Variants in SKAP1 observed in about 807,000 individuals in gnomAD.
SKAP1 encodes the protein src kinase-associated phosphoprotein 1.
SKAP1 carries 44 observed loss-of-function variants against 58.5 expected under a neutral mutation model. That is an observed-to-expected ratio of 0.75 (90% CI 0.59 to 0.97). SKAP1 has a LOEUF of 0.97. Ranked by LOEUF, SKAP1 falls within the 50% of genes least tolerant of loss-of-function variation. The pLI is 0.00. For synonymous variants in SKAP1, 127 were observed against 149.7 expected (o/e 0.85, Z 1.11); for missense variants, 390 against 435.2 (o/e 0.90, Z 0.92).
chr17:48,216,655 C>G (rs550618748), intron 4 of SKAP1, among the ~76,000 whole-genome samples: 1 of 152,130 alleles, frequency 6.6e-6, no homozygotes, highest in African/African-American at 2.4e-5. Context: ...TCATGCCAGG[C>G]TAATTTTTGT....
chr17:48,286,659 A>C (rs2065833165), intron 4 of SKAP1, among the ~76,000 whole-genome samples: 1 of 152,232 alleles, frequency 6.6e-6, no homozygotes, highest in Non-Finnish European at 1.5e-5. Flanking sequence ...TTCAACAGGC[A>C]AATTAACATC....
At chr17:48,358,221 A>C (rs2066900208) in intron 3 of SKAP1, among the ~76,000 whole-genome samples, 1 of 152,210 alleles carries the variant, frequency 6.6e-6, no homozygotes, top group African/African-American at 2.4e-5. Context: ...CTTTGTATAA[A>C]TCCTACTTAT....
At chr17:48,195,576 A>G (rs2064615745) in intron 4 of SKAP1, among the ~76,000 whole-genome samples, 1 of 152,230 alleles carries the variant, frequency 6.6e-6, no homozygotes, top group Non-Finnish European at 1.5e-5. Context: ...AACTAACTGA[A>G]TGGAACTGTT....
intron 2 of SKAP1, among the ~76,000 whole-genome samples, chr17:48,386,335 A>G (rs1204626147): frequency 3.6e-5 from 5 of 140,792 alleles, no homozygotes; most frequent in Admixed American, 1.5e-4. Context: ...GGTGACTATA[A>G]GACCATTCAT....
At chr17:48,389,241 C>A (rs942176107) in intron 2 of SKAP1, among the ~76,000 whole-genome samples, 4 of 152,178 alleles carry the variant, frequency 2.6e-5, no homozygotes, top group African/African-American at 4.8e-5. Flanking sequence ...TATTAATTGT[C>A]TGACTACAGT....
chr17:48,430,298 G>C, upstream of SKAP1: 1 of 334,948 alleles, frequency 3.0e-6, no homozygotes, highest in Non-Finnish European at 5.1e-6. Context: ...TGGCGCGGGC[G>C]GCAGGCGGGG....
At chr17:48,219,244 C>T (rs2064974473) in intron 4 of SKAP1, among the ~76,000 whole-genome samples, 1 of 152,076 alleles carries the variant, frequency 6.6e-6, no homozygotes, top group South Asian at 2.1e-4. Flanking sequence ...AGGTGGGAAC[C>T]ATGTGGAATG....
chr17:48,291,884 A>T (rs916331138), intron 4 of SKAP1, among the ~76,000 whole-genome samples: 1 of 152,202 alleles, frequency 6.6e-6, no homozygotes, highest in Non-Finnish European at 1.5e-5. Context: ...TTTTTATGGC[A>T]TATCTTTAAA....
Position 48,331,702 on chromosome 17 carries a change from G to GA in SKAP1, c.280+14202dup, listed in dbSNP as rs79313967. On this transcript the variant is annotated intron_variant, in intron 4 of 12. Coordinates refer to ENST00000336915, the MANE Select transcript of SKAP1 (RefSeq NM_003726.4). ...AAAAAGAGCGAAACTCCGTCTCAAG[G>GA]AAAAAAAAAAAAAGATAATCATATA... Among the ~76,000 whole-genome samples, 616 of 133,670 alleles carry GA rather than the reference G, an allele frequency of 4.6e-3. 3 individuals carry two copies. The highest frequency in any genetic ancestry group is 0.013 in the African/African-American group (485 of 36,408). The allele number at this position is 133,670 out of a possible 152,430, so 87.7% of individuals were successfully genotyped here. A position where few individuals can be genotyped will look rare whatever the true frequency, so the allele number is the denominator to read the frequency against.
intron 11 of SKAP1, among the ~76,000 whole-genome samples, chr17:48,155,769 A>G (rs1326232875): frequency 6.6e-6 from 1 of 152,166 alleles, no homozygotes; most frequent in Admixed American, 6.5e-5. Flanking sequence ...AGGCAGGAGA[A>G]TCGCTTGAAC....
At chr17:48,437,490 C>A in the SKAP1 span, among the ~76,000 whole-genome samples, 1 of 152,112 alleles carries the variant, frequency 6.6e-6, no homozygotes, top group South Asian at 2.1e-4. Context: ...CGCCTGTAAT[C>A]CCAACACTTT....
At chr17:48,218,615 G>A (rs1042156006) in intron 4 of SKAP1, among the ~76,000 whole-genome samples, 2 of 152,210 alleles carry the variant, frequency 1.3e-5, no homozygotes, top group African/African-American at 4.8e-5. Context: ...CTACTCTGAT[G>A]AAAATGCAAA....
At chr17:48,214,146 C>A (rs900122208) in intron 4 of SKAP1, among the ~76,000 whole-genome samples, 3 of 152,140 alleles carry the variant, frequency 2.0e-5, no homozygotes, top group Admixed American at 6.5e-5. Flanking sequence ...TATAGCTAAT[C>A]CAAATATTTT....
chr17:48,184,160 T>C (rs1365586924), intron 7 of SKAP1, among the ~76,000 whole-genome samples: 1 of 152,208 alleles, frequency 6.6e-6, no homozygotes, highest in Non-Finnish European at 1.5e-5. Flanking sequence ...CAGTACGGAA[T>C]AAGTCTTTCT....
At chr17:48,202,895 G>A (rs543944684) in intron 4 of SKAP1, among the ~76,000 whole-genome samples, 11 of 152,318 alleles carry the variant, frequency 7.2e-5, no homozygotes, top group Non-Finnish European at 1.3e-4. Context: ...ACTGTGGTTG[G>A]ATGCATCTGT....
intron 3 of SKAP1, among the ~76,000 whole-genome samples, chr17:48,355,625 G>A (rs35759756): frequency 0.21 from 32,181 of 151,958 alleles, 3,419 homozygotes; most frequent in Admixed American, 0.22. Flanking sequence ...CCAGGAGTAC[G>A]AGACCAGCCT....
intron 2 of SKAP1, among the ~76,000 whole-genome samples, chr17:48,381,111 C>T (rs2067208908): frequency 6.6e-6 from 1 of 152,168 alleles, no homozygotes; most frequent in South Asian, 2.1e-4. Context: ...CATTCTTATG[C>T]TCTTTCTTTG....
intron 4 of SKAP1, among the ~76,000 whole-genome samples, chr17:48,204,820 C>G (rs1483125457): frequency 6.6e-6 from 1 of 152,106 alleles, no homozygotes; most frequent in Admixed American, 6.5e-5. Flanking sequence ...GATGCAGAAT[C>G]TGAGCAGCAC....
At chr17:48,370,467 T>G (rs987236973) in intron 2 of SKAP1, among the ~76,000 whole-genome samples, 5 of 152,016 alleles carry the variant, frequency 3.3e-5, no homozygotes, top group Non-Finnish European at 5.9e-5. Context: ...CACACCTGGC[T>G]AATTATTGTA....
Sources: gnomAD v4.1 joint callset for allele counts (sites outside exome capture counted in the v4.1 genomes callset) on GRCh38, gnomAD v4.1.1 for gene constraint, MANE v1.5 for transcripts, NCBI Gene and HGNC (gene_info 2026-07-23, HGNC 2026-07-21) for gene names.